The following WDR45B variants were observed in gnomAD, a reference collection of about 807,000 sequenced individuals.
WDR45B encodes WD repeat domain 45B.
Under a neutral mutation model 44.6 loss-of-function variants are expected in WDR45B, and 20 were observed. That is an observed-to-expected ratio of 0.45 (90% CI 0.32 to 0.65). The LOEUF is 0.65. WDR45B is among the 30% of genes least tolerant of loss of function. The pLI, the probability that WDR45B is intolerant of heterozygous loss-of-function variation, is 0.05. For missense variants in WDR45B, 323 were observed against 430.2 expected (o/e 0.75, Z 2.20); for synonymous variants, 169 against 164.9 (o/e 1.02, Z -0.19).
Position 82,617,409 on chromosome 17 carries a change from A to G in WDR45B, c.705-12T>C. The stretch of plus-strand genomic sequence containing the variant: ...GATTGAAGTTGATGCTGCAGAGAAA[A>G]CCAGCACAGCTCAGGCCTTGTGTGG... On this transcript the variant is annotated splice_polypyrimidine_tract_variant and intron_variant, in intron 7 of 9. Transcript: ENST00000392325. 1 of 1,613,778 alleles carries G rather than the reference A, an allele frequency of 6.2e-7. No individual in the cohort carries two copies.
intron 1 of WDR45B, among the ~76,000 whole-genome samples, chr17:82,644,998 T>A (rs1413530572): frequency 6.6e-6 from 1 of 151,992 alleles, no homozygotes; most frequent in Non-Finnish European, 1.5e-5. Flanking sequence ...TACCCTCCAC[T>A]AAAAATACAA....
At chr17:82,617,839 TCTA>T (rs2045559870) in intron 7 of WDR45B, among the ~76,000 whole-genome samples, 1 of 152,132 alleles carries the variant, frequency 6.6e-6, no homozygotes, top group African/African-American at 2.4e-5. Flanking sequence ...TGCTGTCTGT[TCTA>T]GGAGCAGACA....
intron 1 of WDR45B, among the ~76,000 whole-genome samples, chr17:82,648,027 C>T (rs1242041881): frequency 1.4e-5 from 2 of 141,296 alleles, no homozygotes; most frequent in East Asian, 2.1e-4. Context: ...GGTCACAACC[C>T]GGGGGGTGGG....
At chr17:82,626,905 T>C (rs1598266696) in intron 4 of WDR45B, 3 of 464,306 alleles carry the variant, frequency 6.5e-6, no homozygotes, top group Non-Finnish European at 7.9e-6. Flanking sequence ...TCCTCAGCTC[T>C]GCACATGTCG....
At chr17:82,633,897 C>G (rs57514939) in intron 2 of WDR45B, among the ~76,000 whole-genome samples, 2 of 151,972 alleles carry the variant, frequency 1.3e-5, no homozygotes, top group Admixed American at 1.3e-4. Context: ...TGCCTGTTAT[C>G]TCAGCACTTC....
At chr17:82,647,752 G>A (rs577374363) in intron 1 of WDR45B, among the ~76,000 whole-genome samples, 1 of 152,022 alleles carries the variant, frequency 6.6e-6, no homozygotes, top group Admixed American at 6.5e-5. Flanking sequence ...GGAGACGCCG[G>A]CTCCGCGGCT....
chr17:82,644,210 C>G (rs1466554176), intron 1 of WDR45B, 187 bp from the exon 2 acceptor site: 1 of 658,008 alleles, frequency 1.5e-6, no homozygotes, highest in Non-Finnish European at 2.7e-6. Flanking sequence ...CCATGCAGGG[C>G]ATTTTGTTTG....
At chr17:82,627,755 C>T (rs527962604) in intron 3 of WDR45B, among the ~76,000 whole-genome samples, 4 of 152,384 alleles carry the variant, frequency 2.6e-5, no homozygotes, top group Non-Finnish European at 5.9e-5. Flanking sequence ...GCGCTGAGCG[C>T]GTTCATCTCT....
Position 82,621,755 on chromosome 17 carries a change from A to G in WDR45B, c.472T>C (p.Phe158Leu). Residue 158 changes from phenylalanine to leucine, a missense_variant, in exon 6 of 10, where the codon TTT becomes CTT. Coordinates refer to ENST00000392325, the MANE Select transcript of WDR45B (RefSeq NM_019613.4). ...CPNSNNSLLA[F>L]PGTHTGHVQL... ...ACATGGCCCGTGTGCGTGCCCGGAA[A>G]GGCCAGGAGGGAGTTGTTACTATTG... 1 of 1,614,182 alleles carries G rather than the reference A, an allele frequency of 6.2e-7. No homozygotes were observed. The highest frequency in any genetic ancestry group is 8.5e-7 in the Non-Finnish European group (1 of 1,180,040).
chr17:82,621,735 G>A lies in WDR45B; in HGVS notation c.492C>T (p.Gly164=), dbSNP rs1458878668. 4 of 1,614,076 alleles carry A rather than the reference G, an allele frequency of 2.5e-6. No homozygotes were observed. Among genetic ancestry groups the A allele is most frequent in the Non-Finnish European group, 2.5e-6 (3 of 1,180,050 alleles). The change falls in exon 6 of 10, where the codon GGC becomes GGT. Residue 164 remains glycine, a synonymous_variant. Coordinates refer to ENST00000392325, the MANE Select transcript of WDR45B (RefSeq NM_019613.4). ...SLLAFPGTHT[G]HVQLVDLAST... Reference sequence around the variant, plus strand: ...TGGCCAGGTCCACAAGCTGCACATGGCCCGTGTGCGTGCCCGGAAAGGCCA... The same window carrying A: ...TGGCCAGGTCCACAAGCTGCACATGACCCGTGTGCGTGCCCGGAAAGGCCA...
intron 1 of WDR45B, among the ~76,000 whole-genome samples, chr17:82,647,167 T>G (rs2045988862): frequency 6.6e-6 from 1 of 152,084 alleles, no homozygotes; most frequent in Non-Finnish European, 1.5e-5. Flanking sequence ...AGGAGGAGGT[T>G]GCAGTGAGTC....
chr17:82,648,429 C>T lies in WDR45B; in HGVS notation c.-89G>A. ...GGTCCCTTCGGGCCGGCGCTGAGGC[C>T]GCCGCGGCCGGAAGTGCCGGACGTA... On this transcript the variant is annotated 5_prime_UTR_variant, in exon 1 of 10. Transcript: ENST00000392325. 3 of 1,501,768 alleles carry T rather than the reference C, an allele frequency of 2.0e-6. No homozygotes were observed. Among genetic ancestry groups the T allele is most frequent in the East Asian group, 2.5e-5 (1 of 39,272 alleles). 93.0% of individuals were successfully genotyped at this position (1,501,768 alleles called of 1,614,324 possible). A position where few individuals can be genotyped will look rare whatever the true frequency, so the allele number is the denominator to read the frequency against.
Position 82,627,307 on chromosome 17 carries a change from G to T in WDR45B, c.245-16C>A. The T allele has an allele frequency of 6.3e-7, 1 of 1,592,838 alleles. No individual in the cohort carries two copies. The highest frequency in any genetic ancestry group is 8.6e-7 in the Non-Finnish European group (1 of 1,163,998). ...CAGATCATTACTGAAATATCAGAAA[G>T]AAAAGATGAATGCAGTCATCAGCAG... is the stretch of plus-strand genomic sequence containing the variant. On this transcript the variant is annotated splice_polypyrimidine_tract_variant and intron_variant, in intron 3 of 9. Coordinates refer to ENST00000392325, the MANE Select transcript of WDR45B (RefSeq NM_019613.4).
intron 2 of WDR45B, among the ~76,000 whole-genome samples, chr17:82,636,910 T>C (rs533131339): frequency 7.9e-5 from 12 of 152,084 alleles, no homozygotes; most frequent in African/African-American, 1.2e-4. Context: ...TAGAAAAATA[T>C]GTACAAGTAG....
chr17:82,644,890 G>A (rs1418533465), intron 1 of WDR45B, among the ~76,000 whole-genome samples: 1 of 152,226 alleles, frequency 6.6e-6, no homozygotes, highest in Non-Finnish European at 1.5e-5. Context: ...GCCGGACGCA[G>A]CAGCTCACGC....
At chr17:82,625,635 C>G (rs2045685947) in intron 4 of WDR45B, 152 bp from the exon 5 acceptor site, 1 of 791,530 alleles carries the variant, frequency 1.3e-6, no homozygotes, top group African/African-American at 1.7e-5. Context: ...AGGCAGGTAG[C>G]CAGCGCCAGG....
intron 4 of WDR45B, chr17:82,625,821 A>G (rs901621806): frequency 3.1e-6 from 1 of 326,368 alleles, no homozygotes; most frequent in South Asian, 2.9e-5. Flanking sequence ...CTGTGTCTGG[A>G]AAAAATAAGA....
At chr17:82,627,041 C>T (rs1008299789) in intron 4 of WDR45B, 163 bp downstream of exon 4, 2 of 718,558 alleles carry the variant, frequency 2.8e-6, no homozygotes, top group Admixed American at 2.1e-5. Context: ...GCCTTTCTTG[C>T]AGCAATATAA....
chr17:82,622,174 G>C (rs1365210288), intron 5 of WDR45B, among the ~76,000 whole-genome samples: 1 of 152,048 alleles, frequency 6.6e-6, no homozygotes, highest in Non-Finnish European at 1.5e-5. Context: ...ATCAGCAACA[G>C]CGTAAAAATA....
Sources: gnomAD v4.1 joint callset for allele counts (sites outside exome capture counted in the v4.1 genomes callset) on GRCh38, gnomAD v4.1.1 for gene constraint, MANE v1.5 for transcripts, NCBI Gene and HGNC (gene_info 2026-07-23, HGNC 2026-07-21) for gene names.